Variants in SSPN observed in about 807,000 individuals in gnomAD.
SSPN encodes the protein sarcospan, also known as K-ras oncogene-associated protein.
Under a neutral mutation model 19.1 loss-of-function variants are expected in SSPN, and 15 were observed. The ratio of observed to expected loss-of-function variants is 0.78; its 90% confidence interval spans 0.52 to 1.21. SSPN has a LOEUF of 1.21. SSPN is among the 50% of genes most tolerant of loss of function. The pLI is 0.00. For synonymous variants in SSPN, 147 were observed against 140.3 expected (o/e 1.05, Z -0.34); for missense variants, 291 against 314.0 (o/e 0.93, Z 0.55).
chr12:26,136,922 C>G (rs563273019), intron 1 of SSPN, among the ~76,000 whole-genome samples: 2 of 152,160 alleles, frequency 1.3e-5, no homozygotes, highest in African/African-American at 2.4e-5. Context: ...CATGCTTTGT[C>G]GTAAGTTAAA....
chr12:26,183,917 G>GA (rs1338019678), intron 1 of SSPN, among the ~76,000 whole-genome samples: 2 of 152,080 alleles, frequency 1.3e-5, no homozygotes, highest in African/African-American at 4.8e-5. Flanking sequence ...GAAGAAACCA[G>GA]AAAAAAAGGA....
upstream of SSPN, among the ~76,000 whole-genome samples, chr12:26,192,037 G>T (rs976561141): frequency 6.6e-6 from 1 of 152,092 alleles, no homozygotes; most frequent in Non-Finnish European, 1.5e-5. Flanking sequence ...AAGACATTTT[G>T]TTAATCACAC....
chr12:26,124,578 C>A (rs749352718), intron 1 of SSPN: 1 of 1,614,138 alleles, frequency 6.2e-7, no homozygotes, highest in Admixed American at 1.7e-5. Context: ...GAGGAATAGT[C>A]CAGTCTGCAA....
chr12:26,187,692 T>C (rs956977707), intron 1 of SSPN, among the ~76,000 whole-genome samples: 2 of 152,114 alleles, frequency 1.3e-5, no homozygotes, highest in Non-Finnish European at 2.9e-5. Flanking sequence ...AATGCACTTA[T>C]AGAAGAAAAA....
intron 1 of SSPN, among the ~76,000 whole-genome samples, chr12:26,164,337 C>T (rs1944608038): frequency 6.6e-6 from 1 of 152,200 alleles, no homozygotes; most frequent in South Asian, 2.1e-4. Context: ...AAGAATCTCA[C>T]CAGGTGATTC....
chr12:26,139,070 G>A (rs1223272622), intron 1 of SSPN, among the ~76,000 whole-genome samples: 5 of 152,174 alleles, frequency 3.3e-5, no homozygotes, highest in Non-Finnish European at 7.4e-5. Context: ...GTGTGTGCCT[G>A]TGTGCATGTG....
At chr12:26,166,897 G>A (rs1457636902) in intron 1 of SSPN, among the ~76,000 whole-genome samples, 1 of 152,242 alleles carries the variant, frequency 6.6e-6, no homozygotes, top group African/African-American at 2.4e-5. Flanking sequence ...TATGGCGAAA[G>A]AGTGTAAATG....
chr12:26,170,132 G>A (rs1389999361), intron 1 of SSPN, among the ~76,000 whole-genome samples: 1 of 152,146 alleles, frequency 6.6e-6, no homozygotes, highest in Non-Finnish European at 1.5e-5. Context: ...TGGACTCCCT[G>A]CATTCCCCCA....
intron 1 of SSPN, among the ~76,000 whole-genome samples, chr12:26,222,532 G>C (rs544038305): frequency 6.6e-6 from 1 of 152,200 alleles, no homozygotes; most frequent in Non-Finnish European, 1.5e-5. Flanking sequence ...GTGCAAACCA[G>C]TTGTTTAATG....
intron 1 of SSPN, among the ~76,000 whole-genome samples, chr12:26,216,164 T>G (rs546650675): frequency 1.1e-4 from 17 of 152,196 alleles, no homozygotes; most frequent in Admixed American, 3.3e-4. Flanking sequence ...TACTAGTCAG[T>G]GTGTCACTCT....
intron 1 of SSPN, among the ~76,000 whole-genome samples, chr12:26,156,400 T>A (rs1354351367): frequency 6.6e-6 from 1 of 152,006 alleles, no homozygotes; most frequent in Non-Finnish European, 1.5e-5. Context: ...AATGGTGGGG[T>A]AAAGATGCAA....
At chr12:26,153,155 A>G (rs1293698441) in intron 1 of SSPN, among the ~76,000 whole-genome samples, 1 of 152,220 alleles carries the variant, frequency 6.6e-6, no homozygotes, top group Non-Finnish European at 1.5e-5. Flanking sequence ...TCAGAAACTC[A>G]GGCAAATTAC....
In SSPN at chr12:26,195,641, G is replaced by GCTGGCCCCCCCCCC; in HGVS notation, c.-31_-30insTGGCCCCCCCCCCC. 9.0e-7 allele frequency: 1 copy of GCTGGCCCCCCCCCC among 1,105,402 alleles called. No homozygotes were observed. The allele number at this position is 1,105,402 out of a possible 1,614,324, so 68.5% of individuals were successfully genotyped here. ...CTCCAGGGCCCAGGGCGCCGCACAC[G>GCTGGCCCCCCCCCC]CACCCACCCACCCACCCAGCCTCGC... On this transcript the variant is annotated 5_prime_UTR_variant, in exon 1 of 3. Coordinates refer to ENST00000242729, the MANE Select transcript of SSPN (RefSeq NM_005086.5).
chr12:26,195,838 C>T lies in SSPN; in HGVS notation c.166C>T (p.Leu56Phe). Residue 56 changes from leucine (L) to phenylalanine (F), a missense_variant, in exon 1 of 3, where the codon CTC (leucine) becomes TTC (phenylalanine). Leu to Phe is a conservative substitution (Grantham distance 22). This residue lies in a region of SSPN where 139 missense variants were observed against 119.6 expected (regional missense o/e 1.16). Transcript: ENST00000242729. ...TCCGCRFPLL[L>F]ALLQLALGIA... is the part of the protein sequence containing the mutation. ...CTGCGGCTGCCGGTTCCCGCTGCTGCTCGCCCTGCTGCAGCTGGCCCTGGG... is the reference window on the plus strand; with the variant it reads ...CTGCGGCTGCCGGTTCCCGCTGCTGTTCGCCCTGCTGCAGCTGGCCCTGGG... The T allele has an allele frequency of 6.5e-7, 1 of 1,541,870 alleles. No individual in the cohort carries two copies. The highest frequency in any genetic ancestry group is 8.7e-7 in the Non-Finnish European group (1 of 1,148,138).
chr12:26,202,233 C>T (rs74075041), intron 1 of SSPN, among the ~76,000 whole-genome samples: 2 of 151,972 alleles, frequency 1.3e-5, no homozygotes, highest in South Asian at 2.1e-4. Flanking sequence ...GTTTTTGATC[C>T]GTGGTTGATT....
At chr12:26,208,817 G>C (rs545428686) in intron 1 of SSPN, among the ~76,000 whole-genome samples, 1 of 151,960 alleles carries the variant, frequency 6.6e-6, no homozygotes, top group South Asian at 2.1e-4. Context: ...TAAATAATCG[G>C]TCCCTTTCAT....
intron 1 of SSPN, among the ~76,000 whole-genome samples, chr12:26,171,297 A>G (rs145455444): frequency 0.015 from 2,327 of 152,260 alleles, 30 homozygotes; most frequent in Non-Finnish European, 0.02. Context: ...CACTGCTGAC[A>G]TTTTCCTAAT....
At chr12:26,197,538 A>C (rs1298091953) in intron 1 of SSPN, among the ~76,000 whole-genome samples, 1 of 152,200 alleles carries the variant, frequency 6.6e-6, no homozygotes, top group East Asian at 1.9e-4. Flanking sequence ...TCATTTGCAA[A>C]TGTGTTCCCC....
At chr12:26,182,580 TC>T (rs1180255548) in intron 1 of SSPN, among the ~76,000 whole-genome samples, 173 of 122,168 alleles carry the variant, frequency 1.4e-3, no homozygotes, top group Non-Finnish European at 2.2e-3. Context: ...CCCTTCCCCT[TC>T]CCCTTCCCTT....
Sources: allele counts gnomAD v4.1 joint callset (sites outside exome capture counted in the v4.1 genomes callset), GRCh38; gene constraint gnomAD v4.1.1; regional missense constraint gnomAD v4.1.1; transcripts MANE v1.5; gene names NCBI Gene and HGNC (gene_info 2026-07-23, HGNC 2026-07-21).